Variants in PFKFB3 observed in about 807,000 individuals in gnomAD.
PFKFB3 encodes the protein 6-phosphofructo-2-kinase/fructose-2,6-bisphosphatase 3.
In PFKFB3, 33 loss-of-function variants were observed where a neutral mutation model predicts 68.0. That is an observed-to-expected ratio of 0.49 (90% CI 0.37 to 0.65). The LOEUF is 0.65. PFKFB3 is among the 30% of genes least tolerant of loss of function. The pLI is 0.00. For missense variants in PFKFB3, 586 were observed against 712.2 expected (o/e 0.82, Z 2.02); for synonymous variants, 315 against 288.2 (o/e 1.09, Z -0.94).
the PFKFB3 span, among the ~76,000 whole-genome samples, chr10:6,309,601 G>A: frequency 1.1e-4 from 17 of 152,244 alleles, no homozygotes; most frequent in African/African-American, 3.4e-4. Context: ...CAGCCCAGGC[G>A]ACAGAGCAAG....
At chr10:6,153,508 C>T (rs924492874) in intron 1 of PFKFB3, among the ~76,000 whole-genome samples, 13 of 152,026 alleles carry the variant, frequency 8.6e-5, no homozygotes, top group East Asian at 1.9e-4. Context: ...AGCAGGTGAA[C>T]GCTGCATGTG....
At chr10:6,199,482 C>CTTTTTTT (rs58813981), upstream of PFKFB3, among the ~76,000 whole-genome samples, 2 of 141,574 alleles carry the variant, frequency 1.4e-5, no homozygotes, top group African/African-American at 5.3e-5. Flanking sequence ...CAGGCACTTG[C>CTTTTTTT]TTTTTTTTTT....
intron 14 of PFKFB3, among the ~76,000 whole-genome samples, chr10:6,242,678 C>T (rs1388757123): frequency 6.6e-6 from 1 of 152,122 alleles, no homozygotes; most frequent in Non-Finnish European, 1.5e-5. Context: ...ACCTCCACCT[C>T]CTGAGTTCAA....
chr10:6,270,019 C>A, the PFKFB3 span, among the ~76,000 whole-genome samples: 2 of 152,034 alleles, frequency 1.3e-5, no homozygotes, highest in African/African-American at 4.8e-5. Context: ...GTAGTCCCAG[C>A]CACTTGGGAG....
At position 6,221,634 on chromosome 10, in the gene PFKFB3, C is replaced by T; in HGVS notation, c.979-7C>T. 1 of 1,609,880 alleles carries T rather than the reference C, an allele frequency of 6.2e-7. No homozygotes were observed. Among genetic ancestry groups the T allele is most frequent in the Non-Finnish European group, 8.5e-7 (1 of 1,178,296 alleles). On this transcript the variant is annotated splice_region_variant and splice_polypyrimidine_tract_variant and intron_variant, in intron 9 of 14. Transcript: ENST00000379775. ...TGTTCCCCTGAGTGACCACTGGGTC[C>T]CCGCAGGGCGTCTGTGAGGAGCTGA...
At chr10:6,231,196 C>G (rs1320872869) in intron 14 of PFKFB3, 11 of 1,132,098 alleles carry the variant, frequency 9.7e-6, no homozygotes, top group Non-Finnish European at 1.5e-5. Context: ...GAAAATCCTA[C>G]TAAAGATTTT....
At chr10:6,182,275 CA>C (rs1227953435) in intron 1 of PFKFB3, among the ~76,000 whole-genome samples, 1 of 152,044 alleles carries the variant, frequency 6.6e-6, no homozygotes, top group Non-Finnish European at 1.5e-5. Context: ...CCAACATTCA[CA>C]CAGAAGCACG....
chr10:6,269,097 A>T, the PFKFB3 span, among the ~76,000 whole-genome samples: 2 of 152,200 alleles, frequency 1.3e-5, no homozygotes, highest in Admixed American at 6.5e-5. Context: ...TAGTATGTAG[A>T]AATGACAATT....
the PFKFB3 span, among the ~76,000 whole-genome samples, chr10:6,289,323 T>C: frequency 3.2e-3 from 486 of 151,594 alleles, 5 homozygotes; most frequent in African/African-American, 0.011. Flanking sequence ...TCTTCTAGGG[T>C]TTTTATGGTT....
chr10:6,158,262 C>G (rs1841867453), intron 1 of PFKFB3, among the ~76,000 whole-genome samples: 1 of 151,732 alleles, frequency 6.6e-6, no homozygotes, highest in African/African-American at 2.4e-5. Context: ...GCACTCCAGC[C>G]TGGGGGGACA....
chr10:6,224,292 G>A (rs1297447547), intron 13 of PFKFB3, 79 bp downstream of exon 13: 45 of 1,427,186 alleles, frequency 3.2e-5, no homozygotes, highest in Middle Eastern at 2.4e-4. Flanking sequence ...AGGAGGCCCC[G>A]GGGCCGCTTG....
intron 1 of PFKFB3, among the ~76,000 whole-genome samples, chr10:6,148,384 G>A (rs1841465502): frequency 6.6e-6 from 1 of 152,226 alleles, no homozygotes; most frequent in African/African-American, 2.4e-5. Context: ...ATGGCACGTG[G>A]CAGGCAGGAA....
downstream of PFKFB3, among the ~76,000 whole-genome samples, chr10:6,236,191 A>G (rs1044006643): frequency 1.3e-5 from 2 of 152,068 alleles, no homozygotes; most frequent in African/African-American, 4.8e-5. Flanking sequence ...GCCCTTCCCC[A>G]TCTCCTGGCT....
At chr10:6,225,124 C>T (rs768053879) in intron 13 of PFKFB3, 11 of 456,102 alleles carry the variant, frequency 2.4e-5, no homozygotes, top group East Asian at 1.4e-4. Flanking sequence ...CAGGTGGACG[C>T]GTGTTGTGAA....
the PFKFB3 span, among the ~76,000 whole-genome samples, chr10:6,287,108 T>C: frequency 6.6e-6 from 1 of 152,074 alleles, no homozygotes; most frequent in Non-Finnish European, 1.5e-5. Flanking sequence ...TTGTTTTGTT[T>C]TGGAGCCTCA....
intron 1 of PFKFB3, among the ~76,000 whole-genome samples, chr10:6,172,450 T>C (rs761053186): frequency 6.6e-5 from 10 of 152,144 alleles, no homozygotes; most frequent in Non-Finnish European, 4.4e-5. Context: ...GAGCAAACGT[T>C]CAGAAAGCAC....
intron 1 of PFKFB3, among the ~76,000 whole-genome samples, chr10:6,177,080 T>C (rs561881312): frequency 2.6e-5 from 4 of 152,314 alleles, no homozygotes; most frequent in Non-Finnish European, 4.4e-5. Context: ...ATCCTGTGGC[T>C]TCAAGTTCTC....
intron 1 of PFKFB3, among the ~76,000 whole-genome samples, chr10:6,165,555 C>T (rs898112860): frequency 3.3e-5 from 5 of 152,170 alleles, no homozygotes; most frequent in African/African-American, 1.2e-4. Context: ...ACAGAGCCGG[C>T]AGGGATGAAC....
At chr10:6,182,883 C>G (rs1370531647) in intron 1 of PFKFB3, among the ~76,000 whole-genome samples, 1 of 152,190 alleles carries the variant, frequency 6.6e-6, no homozygotes. Flanking sequence ...CCTTCCCAGC[C>G]CCCCAGGGTC....
Sources: allele counts gnomAD v4.1 joint callset (sites outside exome capture counted in the v4.1 genomes callset), GRCh38; gene constraint gnomAD v4.1.1; transcripts MANE v1.5; gene names NCBI Gene and HGNC (gene_info 2026-07-23, HGNC 2026-07-21).